Variants in MBD5 observed in about 807,000 individuals in gnomAD.
The protein encoded by MBD5 is methyl-CpG binding domain protein 5.
MBD5 carries 13 observed loss-of-function variants against 117.3 expected under a neutral mutation model. That is an observed-to-expected ratio of 0.11 (90% confidence interval 0.07 to 0.18). The LOEUF (loss-of-function observed/expected upper bound fraction) is 0.18, where lower values mean the gene tolerates loss of function less well. Ranked by LOEUF, MBD5 falls within the 10% of genes least tolerant of loss-of-function variation. MBD5 has a pLI of 1.00. For missense variants in MBD5, 1,879 were observed against 2,093.8 expected, an observed-to-expected ratio of 0.90 and a Z score of 2.00; for synonymous variants, 727 against 766.4, an observed-to-expected ratio of 0.95 and a Z score of 0.85.
At chr2:148,037,904 A>T (rs865901550) in intron 1 of MBD5, among the ~76,000 whole-genome samples, 7 of 152,152 alleles carry the variant, frequency 4.6e-5, no homozygotes, top group African/African-American at 1.7e-4. Flanking sequence ...TATGAGTGAT[A>T]TACATTACAA....
chr2:148,232,481 T>C (rs912451741), intron 2 of MBD5, among the ~76,000 whole-genome samples: 2 of 152,108 alleles, frequency 1.3e-5, no homozygotes, highest in African/African-American at 4.8e-5. Context: ...ATAGATACTT[T>C]TTTTGTTTTT....
At chr2:148,237,345 T>G (rs1195789908) in intron 3 of MBD5, among the ~76,000 whole-genome samples, 1 of 152,200 alleles carries the variant, frequency 6.6e-6, no homozygotes, top group Non-Finnish European at 1.5e-5. Flanking sequence ...AGTGCTTCAT[T>G]ATTTCTAGCC....
chr2:148,128,973 A>C (rs1696969394), intron 1 of MBD5, among the ~76,000 whole-genome samples: 1 of 152,244 alleles, frequency 6.6e-6, no homozygotes, highest in Non-Finnish European at 1.5e-5. Flanking sequence ...GATCTAGTGC[A>C]AAGGTGTGAT....
intron 4 of MBD5, among the ~76,000 whole-genome samples, chr2:148,389,359 G>A (rs990541160): frequency 1.5e-5 from 2 of 137,470 alleles, no homozygotes; most frequent in Non-Finnish European, 3.1e-5. Flanking sequence ...TTGATTCCAT[G>A]ACTTTTGCTA....
At chr2:148,190,899 A>G (rs1398583408) in intron 2 of MBD5, among the ~76,000 whole-genome samples, 24 of 115,374 alleles carry the variant, frequency 2.1e-4, no homozygotes, top group African/African-American at 7.5e-4. Flanking sequence ...TCAAAATAAA[A>G]GGATGGAGGA....
intron 3 of MBD5, among the ~76,000 whole-genome samples, chr2:148,276,751 T>C (rs1701123222): frequency 6.6e-6 from 1 of 152,172 alleles, no homozygotes; most frequent in African/African-American, 2.4e-5. Context: ...TTGAAGTAAT[T>C]TTCTCTTTCT....
chr2:148,171,993 CAAG>C (rs1698274485), intron 1 of MBD5, among the ~76,000 whole-genome samples: 1 of 152,202 alleles, frequency 6.6e-6, no homozygotes, highest in African/African-American at 2.4e-5. Context: ...GACAGCATAG[CAAG>C]ACCCCATCTC....
chr2:148,303,388 CCAGCCGGCTTACCACAACAGCA>C (rs1194412765), intron 3 of MBD5, among the ~76,000 whole-genome samples: 1 of 152,098 alleles, frequency 6.6e-6, no homozygotes, highest in Non-Finnish European at 1.5e-5. Context: ...ACATGACAGG[CCAGCCGGCTTACCACAACAGCA>C]CAGCAGGGAG....
chr2:148,151,957 T>C (rs1697685990), intron 1 of MBD5, among the ~76,000 whole-genome samples: 2 of 152,066 alleles, frequency 1.3e-5, no homozygotes, highest in South Asian at 4.2e-4. Flanking sequence ...CTGCTCTGAT[T>C]TTAGTTATTT....
intron 4 of MBD5, among the ~76,000 whole-genome samples, chr2:148,359,288 T>C (rs757657681): frequency 6.0e-5 from 9 of 149,906 alleles, no homozygotes; most frequent in Non-Finnish European, 7.4e-5. Flanking sequence ...AAAAAAATTG[T>C]AGTGTTTTAT....
chr2:148,081,577 C>G (rs1423515890), intron 1 of MBD5, among the ~76,000 whole-genome samples: 1 of 152,214 alleles, frequency 6.6e-6, no homozygotes, highest in East Asian at 1.9e-4. Context: ...GAGTTACATC[C>G]CATCACTCAT....
intron 1 of MBD5, among the ~76,000 whole-genome samples, chr2:148,149,803 T>C (rs1169804531): frequency 5.3e-5 from 8 of 151,836 alleles, no homozygotes; most frequent in African/African-American, 1.9e-4. Flanking sequence ...TTTTTTCTTG[T>C]AAATTTGTTT....
Position 148,483,559 on chromosome 2 carries a change from G to T in MBD5, c.2968G>T (p.Ala990Ser), listed in dbSNP as rs1421610902. 1.9e-6 allele frequency: 3 copies of T among 1,574,262 alleles called. No individual in the cohort carries two copies. Among genetic ancestry groups the T allele is most frequent in the Non-Finnish European group, 2.6e-6 (3 of 1,159,808 alleles). ...VLQPVHFQLL[A>S]ALLQNQAQAA... ...GCAGCCTGTTCACTTTCAGCTCTTA[G>T]CAGCCTTGCTTCAGAACCAAGCCCA... Residue 990 changes from alanine to serine, a missense_variant, in exon 9 of 14, where the codon GCA becomes TCA. By Grantham distance (99) the Ala-to-Ser change is moderately conservative. Transcript: ENST00000642680.
At chr2:148,374,092 A>G (rs1304322922) in intron 4 of MBD5, among the ~76,000 whole-genome samples, 1 of 152,100 alleles carries the variant, frequency 6.6e-6, no homozygotes, top group African/African-American at 2.4e-5. Flanking sequence ...AGCATTTCGG[A>G]TAAGGGGTAC....
At chr2:148,479,003 A>G (rs184276534) in intron 8 of MBD5, among the ~76,000 whole-genome samples, 1 of 152,346 alleles carries the variant, frequency 6.6e-6, no homozygotes, top group Non-Finnish European at 1.5e-5. Context: ...TTAACAGACC[A>G]TAGGGTTTTT....
chr2:148,504,575 A>T (rs1470444511), intron 12 of MBD5, among the ~76,000 whole-genome samples: 1 of 152,238 alleles, frequency 6.6e-6, no homozygotes, highest in Non-Finnish European at 1.5e-5. Context: ...CCTGAAGCTC[A>T]CTGTTTAGTG....
intron 1 of MBD5, among the ~76,000 whole-genome samples, chr2:148,159,008 C>A (rs1697940538): frequency 6.6e-6 from 1 of 152,222 alleles, no homozygotes; most frequent in South Asian, 2.1e-4. Context: ...AGGCGTGAAC[C>A]ACCGTGCCCG....
intron 3 of MBD5, among the ~76,000 whole-genome samples, chr2:148,268,344 AGT>A (rs1216144906): frequency 1.5e-4 from 23 of 152,128 alleles, no homozygotes; most frequent in African/African-American, 5.1e-4. Flanking sequence ...GGCCTCCCAA[AGT>A]GCTGGGATTA....
chr2:148,037,976 A>G (rs1286252147), intron 1 of MBD5, among the ~76,000 whole-genome samples: 1 of 151,988 alleles, frequency 6.6e-6, no homozygotes, highest in Non-Finnish European at 1.5e-5. Flanking sequence ...TTGTAAAGCA[A>G]ACATTTCTAG....
Sources: gnomAD v4.1 joint callset for allele counts (sites outside exome capture counted in the v4.1 genomes callset) on GRCh38, gnomAD v4.1.1 for gene constraint, MANE v1.5 for transcripts, NCBI Gene and HGNC (gene_info 2026-07-23, HGNC 2026-07-21) for gene names.